The following CFAP299 variants were observed in gnomAD, a reference collection of about 807,000 sequenced individuals.
CFAP299 encodes cilia and flagella associated protein 299.
CFAP299 carries 21 observed loss-of-function variants against 27.0 expected under a neutral mutation model. That is an observed-to-expected ratio of 0.78 (90% CI 0.55 to 1.12). The LOEUF (loss-of-function observed/expected upper bound fraction) is 1.12. Among genes scored for constraint, CFAP299 ranks in the 50% most tolerant of loss-of-function variants. CFAP299 has a pLI of 0.00. For synonymous variants in CFAP299, 104 were observed against 98.1 expected (o/e 1.06, Z -0.36); for missense variants, 310 against 276.6 (o/e 1.12, Z -0.86).
intron 3 of CFAP299, among the ~76,000 whole-genome samples, chr4:80,688,010 T>A (rs1720338329): frequency 6.6e-6 from 1 of 152,172 alleles, no homozygotes; most frequent in African/African-American, 2.4e-5. Flanking sequence ...ACCAGGAGAT[T>A]GTGTCCCGCA....
chr4:80,923,881 A>G (rs1411985132), intron 4 of CFAP299, among the ~76,000 whole-genome samples: 1 of 152,014 alleles, frequency 6.6e-6, no homozygotes, highest in East Asian at 1.9e-4. Context: ...ATTTTAAGGT[A>G]TTATATTAAA....
chr4:80,418,866 A>G (rs563032290), intron 2 of CFAP299, among the ~76,000 whole-genome samples: 11 of 152,246 alleles, frequency 7.2e-5, no homozygotes, highest in Admixed American at 2.6e-4. Context: ...TTGTGCATGT[A>G]TACCACATTT....
intron 2 of CFAP299, among the ~76,000 whole-genome samples, chr4:80,444,357 G>C (rs1728511994): frequency 6.6e-6 from 1 of 151,968 alleles, no homozygotes. Context: ...CAGAACAGAA[G>C]CCTCAGAAAT....
intron 3 of CFAP299, among the ~76,000 whole-genome samples, chr4:80,739,859 TC>T (rs1008660576): frequency 1.3e-5 from 2 of 152,170 alleles, no homozygotes; most frequent in Non-Finnish European, 2.9e-5. Flanking sequence ...TGTTTTTTAT[TC>T]TTTTTTCTTT....
chr4:80,440,684 G>T (rs570165567), intron 2 of CFAP299, among the ~76,000 whole-genome samples: 1 of 152,284 alleles, frequency 6.6e-6, no homozygotes, highest in Admixed American at 6.5e-5. Context: ...GCCAGCAAGG[G>T]AACAAAACTG....
chr4:80,487,400 G>A (rs565685288), intron 2 of CFAP299, among the ~76,000 whole-genome samples: 100 of 152,306 alleles, frequency 6.6e-4, no homozygotes, highest in African/African-American at 2.1e-3. Context: ...AGACAAGACT[G>A]AGGAGCAGAT....
chr4:80,914,776 T>C (rs1735663669), intron 4 of CFAP299, among the ~76,000 whole-genome samples: 1 of 152,188 alleles, frequency 6.6e-6, no homozygotes, highest in Non-Finnish European at 1.5e-5. Context: ...AAGTTGTTCA[T>C]AATATTCCCT....
chr4:80,685,066 T>A (rs1720097414), intron 3 of CFAP299, among the ~76,000 whole-genome samples: 1 of 152,202 alleles, frequency 6.6e-6, no homozygotes, highest in African/African-American at 2.4e-5. Flanking sequence ...TGGATGCTGC[T>A]TTATCAAGAC....
intron 3 of CFAP299, among the ~76,000 whole-genome samples, chr4:80,725,988 T>A (rs757359107): frequency 7.9e-5 from 12 of 152,190 alleles, no homozygotes; most frequent in Non-Finnish European, 1.2e-4. Context: ...GCTTCTAATT[T>A]TCTTTCACCT....
intron 2 of CFAP299, among the ~76,000 whole-genome samples, chr4:80,435,306 C>G (rs1488767777): frequency 2.6e-5 from 4 of 152,152 alleles, no homozygotes; most frequent in Non-Finnish European, 5.9e-5. Flanking sequence ...ATCTTCCATC[C>G]AGAGAGGGGG....
chr4:80,876,368 C>T (rs1467801855), intron 4 of CFAP299, among the ~76,000 whole-genome samples: 1 of 151,956 alleles, frequency 6.6e-6, no homozygotes, highest in Non-Finnish European at 1.5e-5. Context: ...AGTGAGTTCT[C>T]ACAAGATCTG....
At chr4:80,556,428 T>C (rs1004887027) in intron 2 of CFAP299, among the ~76,000 whole-genome samples, 8 of 152,062 alleles carry the variant, frequency 5.3e-5, no homozygotes, top group Admixed American at 3.9e-4. Flanking sequence ...TATATATTAC[T>C]GATAATATAT....
In CFAP299 at chr4:80,761,011, G is replaced by T. The variant is rs907591131; in HGVS notation, c.334-108982G>T. Among the ~76,000 whole-genome samples the T allele has an allele frequency of 2.0e-5, 3 of 152,092 alleles. No individual in the cohort carries two copies. The South Asian group carries it at 6.2e-4, about 32-fold the overall frequency. On this transcript the variant is annotated intron_variant, in intron 3 of 5. Transcript: ENST00000358105. ...CCAGGAGTAATAGGTAATCATTGAT[G>T]AACAAATTACTCTTTATTTTGTAAA...
intron 3 of CFAP299, among the ~76,000 whole-genome samples, chr4:80,669,518 A>G (rs759967480): frequency 1.2e-4 from 17 of 147,122 alleles, no homozygotes; most frequent in Non-Finnish European, 1.5e-4. Context: ...ATTTTCATAT[A>G]TTGATTTTGT....
At chr4:80,865,756 C>T (rs932713477) in intron 3 of CFAP299, among the ~76,000 whole-genome samples, 14 of 151,746 alleles carry the variant, frequency 9.2e-5, no homozygotes, top group African/African-American at 2.4e-4. Flanking sequence ...ATGATGAGTT[C>T]GTGTCCTTTG....
At chr4:80,525,183 C>T (rs928334694) in intron 2 of CFAP299, among the ~76,000 whole-genome samples, 3 of 152,132 alleles carry the variant, frequency 2.0e-5, no homozygotes, top group African/African-American at 7.2e-5. Context: ...AAGGGCGTGA[C>T]ATCCCATTAC....
intron 2 of CFAP299, among the ~76,000 whole-genome samples, chr4:80,577,298 T>C (rs1046227545): frequency 6.6e-5 from 10 of 151,882 alleles, no homozygotes; most frequent in African/African-American, 2.2e-4. Flanking sequence ...TAGGGACTAG[T>C]ACAAAGTCAG....
intron 4 of CFAP299, among the ~76,000 whole-genome samples, chr4:80,885,984 G>A (rs897363181): frequency 6.6e-6 from 1 of 152,124 alleles, no homozygotes; most frequent in Non-Finnish European, 1.5e-5. Context: ...TGCCTTGAAG[G>A]GTGAGTCCCA....
chr4:80,494,846 C>A (rs1017941613), intron 2 of CFAP299, among the ~76,000 whole-genome samples: 1 of 152,132 alleles, frequency 6.6e-6, no homozygotes, highest in African/African-American at 2.4e-5. Context: ...TATAAACATT[C>A]CCATTTCAAA....
Sources: allele counts gnomAD v4.1 joint callset (sites outside exome capture counted in the v4.1 genomes callset), GRCh38; gene constraint gnomAD v4.1.1; transcripts MANE v1.5; gene names NCBI Gene and HGNC (gene_info 2026-07-23, HGNC 2026-07-21).